FAM81A: variants seen among roughly 807,000 people sequenced by gnomAD.
The protein encoded by FAM81A is protein FAM81A.
Under a neutral mutation model 46.7 loss-of-function variants are expected in FAM81A, and 19 were observed. That is an observed-to-expected ratio of 0.41 (90% CI 0.28 to 0.60). FAM81A has a LOEUF of 0.60. Ranked by LOEUF, FAM81A falls within the 20% of genes least tolerant of loss-of-function variation. The pLI, the probability that FAM81A is intolerant of heterozygous loss-of-function variation, is 0.34. For missense variants in FAM81A, 377 were observed against 453.5 expected, an observed-to-expected ratio of 0.83 and a Z score of 1.53; for synonymous variants, 183 against 152.9, an observed-to-expected ratio of 1.20 and a Z score of -1.45.
At chr15:59,476,939 G>C (rs2081778184) in intron 3 of FAM81A, among the ~76,000 whole-genome samples, 1 of 150,948 alleles carries the variant, frequency 6.6e-6, no homozygotes, top group Non-Finnish European at 1.5e-5. Flanking sequence ...GGCCAACATG[G>C]TGAAACCCCA....
At chr15:59,419,510 C>T (rs12101840) in intron 2 of FAM81A, among the ~76,000 whole-genome samples, 39 of 152,258 alleles carry the variant, frequency 2.6e-4, no homozygotes, top group African/African-American at 9.1e-4. Flanking sequence ...GAAGTGTGAA[C>T]CACATTATTT....
At chr15:59,492,680 C>A (rs745883970) in intron 4 of FAM81A, among the ~76,000 whole-genome samples, 1 of 151,970 alleles carries the variant, frequency 6.6e-6, no homozygotes, top group South Asian at 2.1e-4. Flanking sequence ...TTATCGAATC[C>A]GAAAATATAA....
chr15:59,435,068 C>G (rs1284933936), upstream of FAM81A, among the ~76,000 whole-genome samples: 1 of 152,190 alleles, frequency 6.6e-6, no homozygotes, highest in Non-Finnish European at 1.5e-5. Flanking sequence ...GCAGGTGGAT[C>G]ACGAGGTTAA....
At chr15:59,497,445 C>CAA (rs71119477) in intron 4 of FAM81A, among the ~76,000 whole-genome samples, 1 of 139,768 alleles carries the variant, frequency 7.2e-6, no homozygotes. Context: ...GACTCTGTCT[C>CAA]AAAAAAAAAA....
rs527715577 is a variant in FAM81A at position 59,523,445 on chromosome 15, C to T, written c.*2067C>T. 6.6e-6 allele frequency: 1 copy of T among 152,334 alleles called. No homozygotes were observed. The highest frequency in any genetic ancestry group is 1.5e-5 in the Non-Finnish European group (1 of 68,046). 9.4% of individuals were successfully genotyped at this position (152,334 alleles called of 1,614,324 possible). On this transcript the variant is annotated 3_prime_UTR_variant, in exon 9 of 9. Coordinates refer to ENST00000288228, the MANE Select transcript of FAM81A (RefSeq NM_152450.3). Reference sequence around the variant, plus strand: ...GTGTGCAGCCGAGGTGGTGAGCTGTCGAGCCACAGTGCAGTTCTCTTCTCA... The same window carrying T: ...GTGTGCAGCCGAGGTGGTGAGCTGTTGAGCCACAGTGCAGTTCTCTTCTCA...
At chr15:59,408,372 T>C (rs1031795901) in intron 2 of FAM81A, among the ~76,000 whole-genome samples, 1 of 152,118 alleles carries the variant, frequency 6.6e-6, no homozygotes, top group Non-Finnish European at 1.5e-5. Context: ...ACTTTTTAAC[T>C]CCAAATAATT....
upstream of FAM81A, among the ~76,000 whole-genome samples, chr15:59,433,932 T>C (rs1422801475): frequency 6.6e-6 from 1 of 152,212 alleles, no homozygotes; most frequent in Admixed American, 6.5e-5. Flanking sequence ...CTAGGCTCAC[T>C]ACACCCTCTG....
At chr15:59,515,644 T>A (rs1397012168) in intron 7 of FAM81A, among the ~76,000 whole-genome samples, 1 of 152,148 alleles carries the variant, frequency 6.6e-6, no homozygotes, top group African/African-American at 2.4e-5. Context: ...TATGATTTTA[T>A]ATATATTTAA....
chr15:59,406,685 C>T (rs1246001875), intron 2 of FAM81A, among the ~76,000 whole-genome samples: 3 of 152,134 alleles, frequency 2.0e-5, no homozygotes, highest in Non-Finnish European at 4.4e-5. Context: ...TCTAGGCAAC[C>T]GCTGATCTAC....
At chr15:59,406,702 T>A (rs994558931) in intron 2 of FAM81A, among the ~76,000 whole-genome samples, 1 of 152,118 alleles carries the variant, frequency 6.6e-6, no homozygotes, top group Non-Finnish European at 1.5e-5. Context: ...CTACTTTCTG[T>A]CTCTATAAAT....
chr15:59,502,485 CTGTGTGTGTG>C (rs71119478), intron 4 of FAM81A, among the ~76,000 whole-genome samples: 66 of 138,280 alleles, frequency 4.8e-4, no homozygotes, highest in East Asian at 3.0e-3. Context: ...GTTGACTTCA[CTGTGTGTGTG>C]TGTGTGTGTG....
chr15:59,419,310 G>C (rs1316169041), intron 2 of FAM81A, among the ~76,000 whole-genome samples: 1 of 152,120 alleles, frequency 6.6e-6, no homozygotes, highest in Non-Finnish European at 1.5e-5. Context: ...TAGGGAAGTG[G>C]AAGATACAAT....
intron 2 of FAM81A, among the ~76,000 whole-genome samples, chr15:59,409,251 C>T (rs533806902): frequency 4.6e-5 from 7 of 152,266 alleles, no homozygotes; most frequent in Non-Finnish European, 1.0e-4. Context: ...GGGGCTCTCA[C>T]TCTCCTGCCT....
At chr15:59,487,212 CTTATATGTATA>C (rs2081928069) in intron 3 of FAM81A, among the ~76,000 whole-genome samples, 1 of 145,652 alleles carries the variant, frequency 6.9e-6, no homozygotes, top group Non-Finnish European at 1.5e-5. Flanking sequence ...ATATATATAT[CTTATATGTATA>C]TTATATATAT....
In FAM81A at chr15:59,402,002, C is replaced by T; in HGVS notation, c.-160-274C>T. 6.2e-6 allele frequency: 4 copies of T among 640,802 alleles called. 1 individual carries two copies. In the South Asian group the frequency reaches 7.1e-5, roughly 11 times the overall value. The allele number at this position is 640,802 out of a possible 1,614,324, so 39.7% of individuals were successfully genotyped here. A position where few individuals can be genotyped will look rare whatever the true frequency, so the allele number is the denominator to read the frequency against. The stretch of plus-strand genomic sequence containing the variant: ...GTAATTCAATATATTTGTTCTGTGG[C>T]ATGTTGACGCCGCAGAGCTGCCAGG... On this transcript the variant is annotated intron_variant, in intron 1 of 4. Transcript: ENST00000558348.
At chr15:59,507,550 T>G (rs897370764) in intron 5 of FAM81A, among the ~76,000 whole-genome samples, 2 of 152,138 alleles carry the variant, frequency 1.3e-5, no homozygotes, top group African/African-American at 4.8e-5. Context: ...CCAAAATTGT[T>G]TGGTATAGTC....
chr15:59,451,402 A>G lies in FAM81A; in HGVS notation c.-77-7148A>G, dbSNP rs1437307506. On this transcript the variant is annotated intron_variant, in intron 1 of 8. Transcript: ENST00000288228. ...GGAGCCTAATGCATCCCCCTCTATT[A>G]TAGAGCTTTTCCTGCTGCCCTGGAT... Among the ~76,000 whole-genome samples the G allele has an allele frequency of 3.9e-5, 6 of 151,968 alleles. No individual in the cohort carries two copies. The South Asian group carries it at 1.0e-3, about 26-fold the overall frequency.
intron 1 of FAM81A, among the ~76,000 whole-genome samples, chr15:59,440,285 G>T (rs533387936): frequency 2.6e-5 from 4 of 152,142 alleles, no homozygotes; most frequent in East Asian, 1.9e-4. Flanking sequence ...GGGGCAGGGT[G>T]GGGGAGTAAG....
At position 59,521,514 on chromosome 15, in the gene FAM81A, G is replaced by A; in HGVS notation, c.*136G>A. ...ATGTGCCAAGAAATGTGTTTTTATG[G>A]GTCTAAATGTTTACCTTGAGTCTTG... On this transcript the variant is annotated 3_prime_UTR_variant, in exon 9 of 9. Transcript: ENST00000288228. 1 of 973,916 alleles carries A rather than the reference G, an allele frequency of 1.0e-6. No individual in the cohort carries two copies. Among genetic ancestry groups the A allele is most frequent in the Non-Finnish European group, 1.4e-6 (1 of 713,098 alleles). 60.3% of individuals were successfully genotyped at this position (973,916 alleles called of 1,614,324 possible).
Sources: gnomAD v4.1 joint callset for allele counts (sites outside exome capture counted in the v4.1 genomes callset) on GRCh38, gnomAD v4.1.1 for gene constraint, MANE v1.5 for transcripts, NCBI Gene and HGNC (gene_info 2026-07-23, HGNC 2026-07-21) for gene names.